SGCZ: variants seen among roughly 807,000 people sequenced by gnomAD.
SGCZ encodes the protein sarcoglycan zeta.
A neutral mutation model predicts 41.3 loss-of-function variants in SGCZ; 40 were observed. That is an observed-to-expected ratio of 0.97 (90% CI 0.75 to 1.26). The LOEUF is 1.26. SGCZ is among the 50% of genes most tolerant of loss of function. SGCZ has a pLI of 0.00. For missense variants in SGCZ, 552 were observed against 369.8 expected, an observed-to-expected ratio of 1.49 and a Z score of -4.04; for synonymous variants, 206 against 137.5, an observed-to-expected ratio of 1.50 and a Z score of -3.49.
chr8:14,720,358 A>G (rs570439823), intron 1 of SGCZ, among the ~76,000 whole-genome samples: 1 of 152,242 alleles, frequency 6.6e-6, no homozygotes, highest in South Asian at 2.1e-4. Context: ...AATGATTTTT[A>G]AAAACAATAA....
chr8:14,245,933 A>G (rs984023343), intron 3 of SGCZ, among the ~76,000 whole-genome samples: 8 of 152,216 alleles, frequency 5.3e-5, no homozygotes, highest in African/African-American at 1.7e-4. Context: ...CAATCATTAA[A>G]AAGTCAGGAA....
chr8:14,230,472 G>A (rs574861209), intron 4 of SGCZ, among the ~76,000 whole-genome samples: 56 of 152,196 alleles, frequency 3.7e-4, no homozygotes, highest in Admixed American at 3.1e-3. Flanking sequence ...TGGAACGGAT[G>A]CCTGGAGTAA....
chr8:14,933,607 T>C (rs1799990395), intron 1 of SGCZ, among the ~76,000 whole-genome samples: 1 of 151,688 alleles, frequency 6.6e-6, no homozygotes, highest in African/African-American at 2.4e-5. Flanking sequence ...AATTTTTCTT[T>C]CTTTCTTTCT....
chr8:14,538,770 T>A (rs1268444945), intron 2 of SGCZ, among the ~76,000 whole-genome samples: 1 of 151,876 alleles, frequency 6.6e-6, no homozygotes, highest in African/African-American at 2.4e-5. Flanking sequence ...AGATGCTATA[T>A]GCTGTGTTAA....
chr8:14,559,341 C>T (rs901670167), intron 1 of SGCZ, among the ~76,000 whole-genome samples: 1 of 151,976 alleles, frequency 6.6e-6, no homozygotes, highest in South Asian at 2.1e-4. Context: ...CAACAGTGAC[C>T]AAGCTGAGAA....
intron 1 of SGCZ, among the ~76,000 whole-genome samples, chr8:15,109,315 C>A (rs1161124870): frequency 6.6e-6 from 1 of 152,040 alleles, no homozygotes; most frequent in African/African-American, 2.4e-5. Flanking sequence ...AAGCAACTTA[C>A]AAATCAACTA....
At chr8:14,257,193 G>T (rs188015288) in intron 3 of SGCZ, among the ~76,000 whole-genome samples, 2 of 151,952 alleles carry the variant, frequency 1.3e-5, no homozygotes, top group East Asian at 3.9e-4. Flanking sequence ...TAGGTGTGCT[G>T]GTACACACCT....
chr8:15,002,435 C>A (rs1162865488), intron 1 of SGCZ, among the ~76,000 whole-genome samples: 1 of 152,048 alleles, frequency 6.6e-6, no homozygotes, highest in African/African-American at 2.4e-5. Context: ...GCTTCTTAAT[C>A]CTATATAAAG....
intron 3 of SGCZ, among the ~76,000 whole-genome samples, chr8:14,268,136 A>T (rs1799939355): frequency 6.6e-6 from 1 of 150,528 alleles, no homozygotes; most frequent in Admixed American, 6.6e-5. Flanking sequence ...TGAATAGTTT[A>T]ATGATAAAAT....
At chr8:14,456,793 G>C (rs529327247) in intron 2 of SGCZ, among the ~76,000 whole-genome samples, 3 of 152,288 alleles carry the variant, frequency 2.0e-5, no homozygotes, top group Non-Finnish European at 4.4e-5. Context: ...GAGGTGTTTA[G>C]ATCAGGGAGG....
In SGCZ at chr8:14,677,137, A is replaced by G. The variant is rs528577622; in HGVS notation, c.40-122211T>C. ...AATAGCAAGGTGATGCAACATTAATATACAAAAGTCAAAAACTTATATGCC... is the reference window on the plus strand; with the variant it reads ...AATAGCAAGGTGATGCAACATTAATGTACAAAAGTCAAAAACTTATATGCC... On this transcript the variant is annotated intron_variant, in intron 1 of 7. Transcript: ENST00000382080. Among the ~76,000 whole-genome samples, 5 of 152,210 alleles carry G rather than the reference A, an allele frequency of 3.3e-5. No homozygotes were observed. In the East Asian group the frequency reaches 9.6e-4, roughly 29 times the overall value.
At chr8:14,799,898 G>C (rs1480674858) in intron 1 of SGCZ, among the ~76,000 whole-genome samples, 1 of 151,936 alleles carries the variant, frequency 6.6e-6, no homozygotes, top group African/African-American at 2.4e-5. Context: ...ATGGAGGTTG[G>C]ATACACAAAA....
chr8:14,176,766 G>A (rs1213532641), intron 4 of SGCZ, among the ~76,000 whole-genome samples: 1 of 152,064 alleles, frequency 6.6e-6, no homozygotes, highest in East Asian at 1.9e-4. Context: ...ACATTATGGA[G>A]AGTATCTGAG....
At chr8:14,808,988 C>A (rs1472785143) in intron 1 of SGCZ, among the ~76,000 whole-genome samples, 2 of 150,608 alleles carry the variant, frequency 1.3e-5, no homozygotes, top group African/African-American at 4.9e-5. Context: ...GAACAAAAAA[C>A]CAAACACCGC....
At chr8:14,609,107 G>A (rs1009035034) in intron 1 of SGCZ, among the ~76,000 whole-genome samples, 1 of 152,084 alleles carries the variant, frequency 6.6e-6, no homozygotes, top group Non-Finnish European at 1.5e-5. Context: ...AGTTAATTAT[G>A]CATCTTTTTT....
chr8:14,230,247 C>T (rs10216748), intron 4 of SGCZ, among the ~76,000 whole-genome samples: 49,189 of 151,858 alleles, frequency 0.32, 8,294 homozygotes, highest in Non-Finnish European at 0.38. Context: ...TCTAGCAAAA[C>T]AGACTCATTT....
At chr8:15,094,477 A>G (rs954900894) in intron 1 of SGCZ, among the ~76,000 whole-genome samples, 14 of 152,200 alleles carry the variant, frequency 9.2e-5, no homozygotes, top group Admixed American at 2.0e-4. Context: ...GAGGACACAT[A>G]TGAGCCGGGA....
At chr8:14,424,790 T>C (rs1430881513) in intron 2 of SGCZ, among the ~76,000 whole-genome samples, 2 of 152,208 alleles carry the variant, frequency 1.3e-5, no homozygotes, top group African/African-American at 4.8e-5. Flanking sequence ...TTCAAATGTT[T>C]GCTAACTCTT....
chr8:14,621,396 C>T (rs908181711), intron 1 of SGCZ, among the ~76,000 whole-genome samples: 4 of 151,468 alleles, frequency 2.6e-5, no homozygotes, highest in African/African-American at 9.7e-5. Flanking sequence ...TGTAACAAAC[C>T]TGCACGTTGT....
Sources: allele counts gnomAD v4.1 joint callset (sites outside exome capture counted in the v4.1 genomes callset), GRCh38; gene constraint gnomAD v4.1.1; transcripts MANE v1.5; gene names NCBI Gene and HGNC (gene_info 2026-07-23, HGNC 2026-07-21).